The following CABIN1 variants were observed in gnomAD, a reference collection of about 807,000 sequenced individuals.
CABIN1 encodes calcineurin-binding protein cabin-1.
A neutral mutation model predicts 227.7 loss-of-function variants in CABIN1; 133 were observed. The observed-to-expected ratio is 0.58, with a 90% CI of 0.51 to 0.67. The LOEUF (loss-of-function observed/expected upper bound fraction) is 0.67. Ranked by LOEUF, CABIN1 falls within the 30% of genes least tolerant of loss-of-function variation. CABIN1 has a pLI of 0.00. For missense variants in CABIN1, 2,408 were observed against 2,852.5 expected, an observed-to-expected ratio of 0.84 and a Z score of 3.55; for synonymous variants, 1,086 against 1,155.1, an observed-to-expected ratio of 0.94 and a Z score of 1.21.
chr22:24,134,641 T>C (rs1234559718), intron 29 of CABIN1, among the ~76,000 whole-genome samples: 1 of 152,118 alleles, frequency 6.6e-6, no homozygotes, highest in African/African-American at 2.4e-5. Context: ...GGGAGATGCA[T>C]GGATGAGCTT....
chr22:24,082,918 C>A (rs1247741166), intron 19 of CABIN1, among the ~76,000 whole-genome samples: 1 of 152,104 alleles, frequency 6.6e-6, no homozygotes, highest in Non-Finnish European at 1.5e-5. Flanking sequence ...AGTGAAGTTC[C>A]CAGGAGGCAA....
intron 27 of CABIN1, among the ~76,000 whole-genome samples, 194 bp from the exon 28 acceptor site, chr22:24,119,173 G>T (rs2043254061): frequency 6.6e-6 from 1 of 152,176 alleles, no homozygotes; most frequent in African/African-American, 2.4e-5. Context: ...TTCATGGAGC[G>T]GGAGACCTCG....
intron 20 of CABIN1, among the ~76,000 whole-genome samples, 194 bp downstream of exon 20, chr22:24,083,583 C>T (rs749605619): frequency 6.6e-6 from 1 of 152,194 alleles, no homozygotes; most frequent in Non-Finnish European, 1.5e-5. Context: ...TAAATGTTGA[C>T]TGACATTCAA....
chr22:24,130,296 CA>C (rs2043994410), intron 28 of CABIN1, among the ~76,000 whole-genome samples: 1 of 152,196 alleles, frequency 6.6e-6, no homozygotes, highest in Non-Finnish European at 1.5e-5. Flanking sequence ...AGCACATGCC[CA>C]GGCGGATTTG....
chr22:24,072,341 C>T lies in CABIN1; in HGVS notation c.2476-13C>T. Reference sequence around the variant, plus strand: ...CTGTGACACTTCTGCTGTCTCCCACCCCGCACTGTCAGGTCATTGACTGCA... The same window carrying T: ...CTGTGACACTTCTGCTGTCTCCCACTCCGCACTGTCAGGTCATTGACTGCA... On this transcript the variant is annotated splice_polypyrimidine_tract_variant and intron_variant, in intron 17 of 36. Transcript: ENST00000263119. 1 of 1,614,086 alleles carries T rather than the reference C, an allele frequency of 6.2e-7. No homozygotes were observed. The highest frequency in any genetic ancestry group is 8.5e-7 in the Non-Finnish European group (1 of 1,180,014).
intron 29 of CABIN1, among the ~76,000 whole-genome samples, chr22:24,138,976 A>AAGAAGGGCAGG (rs1321948108): frequency 6.6e-6 from 1 of 152,230 alleles, no homozygotes; most frequent in Non-Finnish European, 1.5e-5. Flanking sequence ...GGCAAGTGGA[A>AAGAAGGGCAGG]AGAAGGGCAG....
At chr22:24,084,506 A>G (rs2041018600) in intron 20 of CABIN1, 73 bp from the exon 21 acceptor site, 6 of 1,185,116 alleles carry the variant, frequency 5.1e-6, no homozygotes, top group African/African-American at 1.5e-5. Flanking sequence ...GTGCGTTTCT[A>G]TGGAGGAATG....
chr22:24,139,750 C>T (rs976987888), intron 29 of CABIN1, among the ~76,000 whole-genome samples: 12 of 152,292 alleles, frequency 7.9e-5, no homozygotes, highest in Admixed American at 2.0e-4. Context: ...CTGGTTTGTG[C>T]GTCTTTGTGC....
intron 22 of CABIN1, among the ~76,000 whole-genome samples, chr22:24,087,089 G>C (rs1477519587): frequency 6.6e-6 from 1 of 152,208 alleles, no homozygotes; most frequent in African/African-American, 2.4e-5. Context: ...CTCTCCACCA[G>C]AGCTGTTCTG....
Position 24,091,777 on chromosome 22 carries a change from G to A in CABIN1, c.3720G>A (p.Glu1240=). ...YRQAGHYLHE[E]AARYPKKIHY... is the part of the protein sequence containing the mutation. Reference sequence around the variant, plus strand: ...AGGCTGGCCACTACCTGCACGAGGAGGCTGCCCGCTACCCCAAGAAGATCC... The same window carrying A: ...AGGCTGGCCACTACCTGCACGAGGAAGCTGCCCGCTACCCCAAGAAGATCC... The change falls in exon 24 of 37, where the codon GAG becomes GAA. Residue 1240 remains glutamate (E), a synonymous_variant. Coordinates refer to ENST00000263119, the MANE Select transcript of CABIN1 (RefSeq NM_012295.4). 1.2e-6 allele frequency: 2 copies of A among 1,613,930 alleles called. No individual in the cohort carries two copies. The highest frequency in any genetic ancestry group is 1.7e-6 in the Non-Finnish European group (2 of 1,179,980).
At chr22:24,072,233 GC>G (rs1365898473) in intron 17 of CABIN1, 120 bp from the exon 18 acceptor site, 67,434 of 935,124 alleles carry the variant, frequency 0.072, 2,722 homozygotes, top group South Asian at 0.11. Flanking sequence ...CCACATCTGA[GC>G]AGTGGGGGTG....
intron 29 of CABIN1, among the ~76,000 whole-genome samples, chr22:24,157,854 G>T (rs2045928403): frequency 6.6e-6 from 1 of 152,160 alleles, no homozygotes; most frequent in Non-Finnish European, 1.5e-5. Flanking sequence ...GCTTTTCTGG[G>T]GGGGCGGGGA....
In CABIN1 at chr22:24,038,454, T is replaced by A; in HGVS notation, c.203T>A (p.Leu68Gln). ...CATGAGCTCTTGGAGGCGAGCCTGC[T>A]GCGGGAGGTGAGGCATCAGCAGGCC... Reference protein sequence around the residue: ...AYHELLEASLLREAVSSGDEK... With the variant: ...AYHELLEASLQREAVSSGDEK... Residue 68 changes from leucine to glutamine, a missense_variant, in exon 4 of 37, where the codon CTG becomes CAG. Transcript: ENST00000263119. 1 of 1,612,340 alleles carries A rather than the reference T, an allele frequency of 6.2e-7. No individual in the cohort carries two copies. Among genetic ancestry groups the A allele is most frequent in the Non-Finnish European group, 8.5e-7 (1 of 1,178,936 alleles).
intron 26 of CABIN1, 82 bp downstream of exon 26, chr22:24,098,274 T>C: frequency 7.7e-7 from 1 of 1,301,990 alleles, no homozygotes; most frequent in Non-Finnish European, 1.1e-6. Context: ...ATTTTGTCGC[T>C]TCGTTTTGGT....
intron 15 of CABIN1, among the ~76,000 whole-genome samples, chr22:24,066,636 C>T (rs935314772): frequency 1.3e-5 from 2 of 152,148 alleles, no homozygotes; most frequent in African/African-American, 4.8e-5. Context: ...TCTCTGACAA[C>T]CCGATGTTCC....
chr22:24,106,093 G>T (rs1414156200), intron 26 of CABIN1, among the ~76,000 whole-genome samples: 1 of 152,262 alleles, frequency 6.6e-6, no homozygotes, highest in Non-Finnish European at 1.5e-5. Context: ...TGGGCAGCAT[G>T]AGAGTGGTGC....
intron 6 of CABIN1, among the ~76,000 whole-genome samples, chr22:24,048,102 G>A (rs562255729): frequency 6.6e-6 from 1 of 152,296 alleles, no homozygotes; most frequent in East Asian, 1.9e-4. Flanking sequence ...ACTTGAGGAT[G>A]CTCATTATGA....
At chr22:24,103,517 A>C (rs2042334742) in intron 26 of CABIN1, among the ~76,000 whole-genome samples, 1 of 152,114 alleles carries the variant, frequency 6.6e-6, no homozygotes, top group Non-Finnish European at 1.5e-5. Flanking sequence ...GGGCAGGCCC[A>C]CCCTGGCCTC....
rs1383982461 is a variant in CABIN1, at chr22:24,178,420, A to G, written c.*224A>G. ...AGGAGGGGCCCGCCTTAGCCATGTG[A>G]AGGTGGATTGGTCGCCATCTGCACG... On this transcript the variant is annotated 3_prime_UTR_variant, in exon 37 of 37. Coordinates refer to ENST00000263119, the MANE Select transcript of CABIN1 (RefSeq NM_012295.4). 5 of 586,022 alleles carry G rather than the reference A, an allele frequency of 8.5e-6. No homozygotes were observed. Among genetic ancestry groups the G allele is most frequent in the African/African-American group, 3.7e-5 (2 of 53,628 alleles). 36.3% of individuals were successfully genotyped at this position (586,022 alleles called of 1,614,324 possible).
Sources: allele counts gnomAD v4.1 joint callset (sites outside exome capture counted in the v4.1 genomes callset), GRCh38; gene constraint gnomAD v4.1.1; transcripts MANE v1.5; gene names NCBI Gene and HGNC (gene_info 2026-07-23, HGNC 2026-07-21).